The following ECM2 variants were observed in gnomAD, a reference collection of about 807,000 sequenced individuals.
ECM2 encodes the protein extracellular matrix protein 2, also known as extracellular matrix protein 2, female organ and adipocyte specific.
In ECM2, 57 loss-of-function variants were observed where a neutral mutation model predicts 67.5. That is an observed-to-expected ratio of 0.84 (90% CI 0.68 to 1.05). ECM2 has a LOEUF of 1.05. Among genes scored for constraint, ECM2 ranks in the 50% least tolerant of loss-of-function variants. ECM2 has a pLI of 0.00. For missense variants in ECM2, 741 were observed against 822.8 expected (o/e 0.90, Z 1.22); for synonymous variants, 258 against 294.5 (o/e 0.88, Z 1.27).
At chr9:92,531,354 C>A (rs938153343) in intron 1 of ECM2, among the ~76,000 whole-genome samples, 2 of 152,140 alleles carry the variant, frequency 1.3e-5, no homozygotes, top group Non-Finnish European at 2.9e-5. Context: ...TCTTCCTGGA[C>A]AATACAAGAA....
rs1202835632 is a variant in ECM2, at chr9:92,497,449, AC to A, written c.1932-967del. 3.3e-5 allele frequency among the ~76,000 whole-genome samples: 5 copies of A among 151,708 alleles called. No homozygotes were observed. In the East Asian group the frequency reaches 5.8e-4, roughly 18 times the overall value. ...AGACCAGCCTGACCAACATGGAGAA[AC>A]CCCGTCTCTACTGAAAATACAAAAT... On this transcript the variant is annotated intron_variant, in intron 9 of 9. Coordinates refer to ENST00000344604, the MANE Select transcript of ECM2 (RefSeq NM_001393.4).
At chr9:92,508,642 A>C (rs771227797) in intron 6 of ECM2, among the ~76,000 whole-genome samples, 11 of 152,176 alleles carry the variant, frequency 7.2e-5, no homozygotes, top group Non-Finnish European at 1.3e-4. Context: ...GGCAGTCTGC[A>C]TCAAAATTTG....
Position 92,514,934 on chromosome 9 carries a change from TTC to T in ECM2, c.749_750del (p.Arg250LysfsTer25). The T allele has an allele frequency of 6.2e-7, 1 of 1,614,028 alleles. No homozygotes were observed. The highest frequency in any genetic ancestry group is 8.5e-7 in the Non-Finnish European group (1 of 1,179,954). On this transcript the variant is annotated frameshift_variant, in exon 4 of 10. Transcript: ENST00000344604. LOFTEE classifies it high-confidence loss of function. ...CTCCTCTCCTCTCCAGGCCTCTGCT[TTC>T]TGTCTCCTCCTCTGCTGTCCCCCTC... ...YSEGDSRGGD[R>X]KQRPGEERRL...
intron 9 of ECM2, among the ~76,000 whole-genome samples, chr9:92,500,391 C>T (rs1272140795): frequency 6.6e-6 from 1 of 152,226 alleles, no homozygotes; most frequent in African/African-American, 2.4e-5. Flanking sequence ...CCATGTTGGC[C>T]AGGCTGGCCT....
chr9:92,520,726 C>A (rs545574808), intron 2 of ECM2, among the ~76,000 whole-genome samples: 11 of 152,088 alleles, frequency 7.2e-5, no homozygotes, highest in African/African-American at 2.4e-4. Flanking sequence ...AACTGGTAGA[C>A]AATATGGATA....
At chr9:92,518,019 C>A in intron 2 of ECM2, 144 bp from the exon 3 acceptor site, 1 of 965,788 alleles carries the variant, frequency 1.0e-6, no homozygotes, top group African/African-American at 1.6e-5. Flanking sequence ...GTAAAGATGT[C>A]GTATAGACAT....
chr9:92,500,298 T>G (rs912552340), intron 9 of ECM2, among the ~76,000 whole-genome samples: 2 of 152,184 alleles, frequency 1.3e-5, no homozygotes, highest in African/African-American at 4.8e-5. Context: ...TTCTCCCACC[T>G]CAGCCTCCTG....
chr9:92,515,507 C>T (rs1261413517), intron 3 of ECM2, among the ~76,000 whole-genome samples: 2 of 152,072 alleles, frequency 1.3e-5, no homozygotes, highest in Non-Finnish European at 2.9e-5. Context: ...AATAATATTG[C>T]CACATGAGGC....
At chr9:92,503,500 T>G (rs546743911) in intron 7 of ECM2, among the ~76,000 whole-genome samples, 1 of 152,344 alleles carries the variant, frequency 6.6e-6, no homozygotes, top group South Asian at 2.1e-4. Context: ...TAAAGTTAAT[T>G]AACAGCCTTA....
chr9:92,547,006 A>G, the ECM2 span, among the ~76,000 whole-genome samples: 8 of 152,190 alleles, frequency 5.3e-5, no homozygotes, highest in Non-Finnish European at 8.8e-5. Context: ...GGTCAGTCTC[A>G]CTAATGAACA....
At chr9:92,555,214 ATTT>A in the ECM2 span, among the ~76,000 whole-genome samples, 397 of 63,422 alleles carry the variant, frequency 6.3e-3, 2 homozygotes, top group African/African-American at 0.016. Flanking sequence ...TTTTTTGGAA[ATTT>A]TTTTTTTTTT....
the ECM2 span, among the ~76,000 whole-genome samples, chr9:92,551,336 T>A: frequency 6.6e-6 from 1 of 152,206 alleles, no homozygotes; most frequent in South Asian, 2.1e-4. Flanking sequence ...CAAAATGACG[T>A]CTGATGCTTT....
chr9:92,514,236 A>T (rs1040174486), intron 4 of ECM2, among the ~76,000 whole-genome samples: 2 of 150,514 alleles, frequency 1.3e-5, no homozygotes, highest in South Asian at 4.2e-4. Context: ...AGCTGGGACT[A>T]CAAGTGTATA....
chr9:92,532,682 A>G (rs944818828), intron 1 of ECM2, among the ~76,000 whole-genome samples: 4 of 151,870 alleles, frequency 2.6e-5, no homozygotes, highest in Non-Finnish European at 4.4e-5. Flanking sequence ...GGTTTTCAGT[A>G]TGTTCTTTTT....
the ECM2 span, among the ~76,000 whole-genome samples, chr9:92,558,312 T>A: frequency 6.6e-6 from 1 of 152,314 alleles, no homozygotes; most frequent in East Asian, 1.9e-4. Flanking sequence ...GTTATTCAGA[T>A]TCTTTTGTCC....
Position 92,496,043 on chromosome 9 carries a change from C to T in ECM2, c.*272G>A, listed in dbSNP as rs1053137170. On this transcript the variant is annotated 3_prime_UTR_variant, in exon 10 of 10. Coordinates refer to ENST00000344604, the MANE Select transcript of ECM2 (RefSeq NM_001393.4). ...TTATTTTGTTCCAGACTCTTCTGGT[C>T]TAGCTCAGTATGCATAATATCCTAT... 3 of 1,042,000 alleles carry T rather than the reference C, an allele frequency of 2.9e-6. No individual in the cohort carries two copies. The highest frequency in any genetic ancestry group is 4.4e-4 in the Middle Eastern group (1 of 2,266). The allele number at this position is 1,042,000 out of a possible 1,614,324, so 64.5% of individuals were successfully genotyped here. A position where few individuals can be genotyped will look rare whatever the true frequency, so the allele number is the denominator to read the frequency against.
At chr9:92,558,329 G>A in the ECM2 span, among the ~76,000 whole-genome samples, 1 of 152,166 alleles carries the variant, frequency 6.6e-6, no homozygotes, top group Non-Finnish European at 1.5e-5. Context: ...GTCCCATGGG[G>A]TGTTCCCTTG....
chr9:92,545,657 G>T, the ECM2 span, among the ~76,000 whole-genome samples: 1 of 152,230 alleles, frequency 6.6e-6, no homozygotes, highest in Admixed American at 6.5e-5. Flanking sequence ...CTGGCAGCCA[G>T]CTCCACCTGC....
At chr9:92,542,597 A>G in the ECM2 span, among the ~76,000 whole-genome samples, 1 of 151,936 alleles carries the variant, frequency 6.6e-6, no homozygotes, top group Non-Finnish European at 1.5e-5. Flanking sequence ...GCTCACTGCA[A>G]TCTCTGCCTC....
Sources: gnomAD v4.1 joint callset for allele counts (sites outside exome capture counted in the v4.1 genomes callset) on GRCh38, gnomAD v4.1.1 for gene constraint, MANE v1.5 for transcripts, NCBI Gene and HGNC (gene_info 2026-07-23, HGNC 2026-07-21) for gene names.